The following ZNF710 variants were observed in gnomAD, a reference collection of about 807,000 sequenced individuals.
The protein encoded by ZNF710 is zinc finger protein 710.
In ZNF710, 13 loss-of-function variants were observed where a neutral mutation model predicts 50.6. That is an observed-to-expected ratio of 0.26 (90% CI 0.17 to 0.41). The LOEUF is 0.41. ZNF710 is among the 10% of genes least tolerant of loss of function. ZNF710 has a pLI of 1.00. For synonymous variants in ZNF710, 383 were observed against 397.0 expected, an observed-to-expected ratio of 0.96 and a Z score of 0.42; for missense variants, 721 against 936.6, an observed-to-expected ratio of 0.77 and a Z score of 3.01.
At chr15:90,008,409 C>CAT (rs749148476) in intron 1 of ZNF710, among the ~76,000 whole-genome samples, 2 of 130,398 alleles carry the variant, frequency 1.5e-5, no homozygotes, top group East Asian at 4.1e-4. Context: ...ATATAGTATA[C>CAT]GTGTGTGTGT....
chr15:90,019,405 C>G (rs1403748378), intron 1 of ZNF710, among the ~76,000 whole-genome samples: 2 of 152,098 alleles, frequency 1.3e-5, no homozygotes, highest in East Asian at 1.9e-4. Flanking sequence ...TATTTGCCCA[C>G]AGACTTGGTT....
At chr15:90,003,136 A>G (rs1368704398) in intron 1 of ZNF710, among the ~76,000 whole-genome samples, 1 of 152,170 alleles carries the variant, frequency 6.6e-6, no homozygotes, top group Non-Finnish European at 1.5e-5. Flanking sequence ...GGCCTCCCAA[A>G]GTGCTGGGAT....
rs1382089356 is a variant in ZNF710 at position 90,051,743 on chromosome 15, T to G, written c.-28-15367T>G. On this transcript the variant is annotated intron_variant, in intron 1 of 4. Coordinates refer to ENST00000268154, the MANE Select transcript of ZNF710 (RefSeq NM_198526.4). Reference sequence around the variant, plus strand: ...AACCGTGGGTGAATCACTCAACTCCTGTGCCTTGGTTTCCTCCTCTGTAAA... The same window carrying G: ...AACCGTGGGTGAATCACTCAACTCCGGTGCCTTGGTTTCCTCCTCTGTAAA... 2.0e-5 allele frequency among the ~76,000 whole-genome samples: 3 copies of G among 152,242 alleles called. No individual in the cohort carries two copies. In the East Asian group the frequency reaches 5.8e-4, roughly 29 times the overall value.
chr15:90,052,806 G>T (rs1899686960), intron 1 of ZNF710, among the ~76,000 whole-genome samples: 1 of 152,220 alleles, frequency 6.6e-6, no homozygotes, highest in African/African-American at 2.4e-5. Context: ...GTTGGCGCAT[G>T]CCTGTAATTC....
At chr15:90,000,070 C>A (rs879615599), upstream of ZNF710, among the ~76,000 whole-genome samples, 1 of 151,974 alleles carries the variant, frequency 6.6e-6, no homozygotes, top group African/African-American at 2.4e-5. Context: ...TGGCTGCAGC[C>A]CCAGTCCGAG....
intron 4 of ZNF710, 82 bp downstream of exon 4, chr15:90,074,372 T>C: frequency 6.3e-7 from 1 of 1,587,948 alleles, no homozygotes; most frequent in South Asian, 1.1e-5. Flanking sequence ...GTTAGAGGAG[T>C]GGGGAGGCTG....
chr15:90,069,228 C>CAAAAAAA (rs1231164801), intron 2 of ZNF710, among the ~76,000 whole-genome samples: 1 of 69,630 alleles, frequency 1.4e-5, no homozygotes, highest in African/African-American at 4.9e-5. Context: ...AACTCCATCT[C>CAAAAAAA]AAAAAAAAAA....
chr15:90,032,441 G>A (rs1898975953), intron 1 of ZNF710, among the ~76,000 whole-genome samples: 1 of 152,176 alleles, frequency 6.6e-6, no homozygotes, highest in Admixed American at 6.6e-5. Flanking sequence ...CAGATTGGAT[G>A]AACTTGGAAA....
chr15:90,011,563 G>A (rs933378784), intron 1 of ZNF710, among the ~76,000 whole-genome samples: 1 of 152,126 alleles, frequency 6.6e-6, no homozygotes, highest in East Asian at 1.9e-4. Flanking sequence ...CCCACAAATT[G>A]GACTCTAATT....
At chr15:90,063,140 G>A (rs988962129) in intron 1 of ZNF710, among the ~76,000 whole-genome samples, 5 of 152,240 alleles carry the variant, frequency 3.3e-5, no homozygotes, top group African/African-American at 9.6e-5. Flanking sequence ...TCGTGCCTAC[G>A]TGCCCCTGCT....
chr15:90,009,158 G>A (rs78710359), intron 1 of ZNF710, among the ~76,000 whole-genome samples: 4,289 of 152,056 alleles, frequency 0.028, 96 homozygotes, highest in Non-Finnish European at 0.041. Context: ...TCCCGTTCTC[G>A]GTGGGACTGC....
intron 4 of ZNF710, chr15:90,075,650 C>G (rs1900568403): frequency 6.6e-6 from 1 of 152,242 alleles, no homozygotes; most frequent in African/African-American, 2.4e-5. Context: ...CACGCGGGAA[C>G]AGCTGCAGTA....
Position 90,067,452 on chromosome 15 carries a change from G to A in ZNF710, c.315G>A (p.Leu105=). The A allele has an allele frequency of 6.2e-7, 1 of 1,611,430 alleles. No individual in the cohort carries two copies. Among genetic ancestry groups the A allele is most frequent in the Non-Finnish European group, 8.5e-7 (1 of 1,178,720 alleles). ...GGAAGACGCGGCCACCTGTGCGGTT[G>A]GTGCCCAAGGTCAAGTTCGAGAAGG... is the stretch of plus-strand genomic sequence containing the variant. ...TRRKTRPPVR[L]VPKVKFEKVE... is the part of the protein sequence containing the mutation. Residue 105 remains leucine, a synonymous_variant, in exon 2 of 5, where the codon TTG becomes TTA. Coordinates refer to ENST00000268154, the MANE Select transcript of ZNF710 (RefSeq NM_198526.4). This position sits in a 1 kb window ranked among gnomAD's most constrained non-coding sequence, Gnocchi z 8.1.
At chr15:90,020,490 C>T (rs540840401) in intron 1 of ZNF710, among the ~76,000 whole-genome samples, 7 of 144,518 alleles carry the variant, frequency 4.8e-5, no homozygotes, top group African/African-American at 1.5e-4. Flanking sequence ...GCCTCCCCGC[C>T]CCCGGGGAGA....
At chr15:90,038,057 C>T (rs1389121834) in intron 1 of ZNF710, among the ~76,000 whole-genome samples, 1 of 152,196 alleles carries the variant, frequency 6.6e-6, no homozygotes, top group African/African-American at 2.4e-5. Context: ...TACTGATTTC[C>T]CCTCGACCCG....
intron 1 of ZNF710, among the ~76,000 whole-genome samples, chr15:90,016,072 C>T (rs1184920867): frequency 6.6e-6 from 1 of 152,100 alleles, no homozygotes; most frequent in Non-Finnish European, 1.5e-5. Context: ...ACAGTGGTTT[C>T]CCACAGTCGG....
intron 1 of ZNF710, among the ~76,000 whole-genome samples, chr15:90,058,714 T>C (rs1181011225): frequency 9.5e-5 from 14 of 147,128 alleles, no homozygotes; most frequent in African/African-American, 3.3e-4. Context: ...TATATATATA[T>C]ATATACACAC....
In ZNF710 at chr15:90,038,707, C is replaced by CTGTG. The variant is rs144152063; in HGVS notation, c.-28-28372_-28-28369dup. Among the ~76,000 whole-genome samples, 1,172 of 143,676 alleles carry CTGTG rather than the reference C, an allele frequency of 8.2e-3. 7 individuals are homozygous for CTGTG. Among genetic ancestry groups the CTGTG allele is most frequent in the Middle Eastern group, 0.024 (7 of 286 alleles). 94.3% of individuals were successfully genotyped at this position (143,676 alleles called of 152,430 possible). A position where few individuals can be genotyped will look rare whatever the true frequency, so the allele number is the denominator to read the frequency against. ...TTTAATCTAGAACAGCCTCCCTGCT[C>CTGTG]TGTGTGTGTGTGTGTGTGTGTGTGT... On this transcript the variant is annotated intron_variant, in intron 1 of 4. Coordinates refer to ENST00000268154, the MANE Select transcript of ZNF710 (RefSeq NM_198526.4).
chr15:90,047,330 T>C (rs1899495696), intron 1 of ZNF710, among the ~76,000 whole-genome samples: 1 of 152,186 alleles, frequency 6.6e-6, no homozygotes, highest in African/African-American at 2.4e-5. Flanking sequence ...TTCAGCACTT[T>C]ACATATTTTA....
Sources: gnomAD v4.1 joint callset for allele counts (sites outside exome capture counted in the v4.1 genomes callset) on GRCh38, gnomAD v4.1.1 for gene constraint, Gnocchi (gnomAD v3.1) non-coding constraint, MANE v1.5 for transcripts, NCBI Gene and HGNC (gene_info 2026-07-23, HGNC 2026-07-21) for gene names.